The following WDFY3 variants were observed in gnomAD, a reference collection of about 807,000 sequenced individuals.
WDFY3 encodes the protein WD repeat and FYVE domain-containing protein 3.
A neutral mutation model predicts 409.6 loss-of-function variants in WDFY3; 66 were observed. The observed-to-expected ratio is 0.16, with a 90% CI of 0.13 to 0.20. The LOEUF (loss-of-function observed/expected upper bound fraction) is 0.20, where lower values mean the gene tolerates loss of function less well. Ranked by LOEUF, WDFY3 falls within the 10% of genes least tolerant of loss-of-function variation. The pLI is 1.00. For synonymous variants in WDFY3, 1,521 were observed against 1,537.1 expected, an observed-to-expected ratio of 0.99 and a Z score of 0.25; for missense variants, 3,031 against 4,298.1, an observed-to-expected ratio of 0.71 and a Z score of 8.24.
At chr4:84,906,289 T>C (rs901841470) in intron 2 of WDFY3, among the ~76,000 whole-genome samples, 3 of 152,208 alleles carry the variant, frequency 2.0e-5, no homozygotes, top group African/African-American at 7.2e-5. Flanking sequence ...GTGTTTCATT[T>C]CTTAAAGACC....
intron 32 of WDFY3, among the ~76,000 whole-genome samples, chr4:84,757,483 G>A (rs1198149688): frequency 6.6e-6 from 1 of 152,166 alleles, no homozygotes; most frequent in Non-Finnish European, 1.5e-5. Flanking sequence ...AAGAGCTCTA[G>A]TGTTCTTGTA....
intron 25 of WDFY3, among the ~76,000 whole-genome samples, chr4:84,782,610 TC>T (rs1185393880): frequency 6.6e-6 from 1 of 152,170 alleles, no homozygotes; most frequent in African/African-American, 2.4e-5. Context: ...ATTGTTCAGC[TC>T]CCCGCTATGA....
chr4:84,800,453 T>C (rs1195119650), intron 17 of WDFY3, among the ~76,000 whole-genome samples: 2 of 152,198 alleles, frequency 1.3e-5, no homozygotes, highest in Non-Finnish European at 2.9e-5. Flanking sequence ...TAAGTATATA[T>C]TTCTTGAATG....
At chr4:84,905,067 T>C (rs1766855732) in intron 2 of WDFY3, among the ~76,000 whole-genome samples, 2 of 137,262 alleles carry the variant, frequency 1.5e-5, no homozygotes, top group Non-Finnish European at 3.1e-5. Flanking sequence ...GGCTGGTCCC[T>C]ACACACACCT....
chr4:84,809,765 A>G, intron 14 of WDFY3, 122 bp downstream of exon 14: 1 of 948,868 alleles, frequency 1.1e-6, no homozygotes. Flanking sequence ...ATACACTTCA[A>G]ACAAATAGGA....
chr4:84,742,005 G>C (rs1304355026), intron 37 of WDFY3, 84 bp from the exon 38 acceptor site: 11 of 1,315,890 alleles, frequency 8.4e-6, no homozygotes, highest in African/African-American at 1.5e-5. Context: ...ATCAGGCTAA[G>C]GTAAAATAAG....
intron 40 of WDFY3, among the ~76,000 whole-genome samples, chr4:84,738,103 T>A (rs560962351): frequency 6.6e-6 from 1 of 152,128 alleles, no homozygotes; most frequent in South Asian, 2.1e-4. Context: ...CATGTTTAAA[T>A]GAAGGAATGA....
In WDFY3 at chr4:84,786,185, T is replaced by C. The variant is rs768753123; in HGVS notation, c.3902-46A>G. On this transcript the variant is annotated intron_variant, in intron 23 of 67. Transcript: ENST00000295888. Reference sequence around the variant, plus strand: ...TTTTCAAAATCATCAGTAGTTCTCATCTTAAAGTAAGTTTTTTATTCTTAC... The same window carrying C: ...TTTTCAAAATCATCAGTAGTTCTCACCTTAAAGTAAGTTTTTTATTCTTAC... The C allele has an allele frequency of 2.0e-6, 3 of 1,525,610 alleles. No individual in the cohort carries two copies. In the African/African-American group the frequency reaches 4.2e-5, roughly 22 times the overall value. 94.5% of individuals were successfully genotyped at this position (1,525,610 alleles called of 1,614,324 possible).
intron 5 of WDFY3, among the ~76,000 whole-genome samples, chr4:84,843,688 T>G (rs1757694163): frequency 6.6e-6 from 1 of 152,200 alleles, no homozygotes; most frequent in African/African-American, 2.4e-5. Flanking sequence ...TACCTGGGTG[T>G]GAGCTACTGT....
chr4:84,958,682 G>A (rs1163750874), intron 1 of WDFY3, among the ~76,000 whole-genome samples: 1 of 152,138 alleles, frequency 6.6e-6, no homozygotes, highest in African/African-American at 2.4e-5. Context: ...CAAACACACT[G>A]AGCTCAGAAG....
At chr4:84,935,223 T>C (rs777110375) in intron 1 of WDFY3, among the ~76,000 whole-genome samples, 2 of 152,202 alleles carry the variant, frequency 1.3e-5, no homozygotes, top group African/African-American at 4.8e-5. Flanking sequence ...TCCGAGTTTC[T>C]CTTAAGTACA....
At chr4:84,714,857 G>A (rs1449343514) in intron 50 of WDFY3, among the ~76,000 whole-genome samples, 1 of 151,880 alleles carries the variant, frequency 6.6e-6, no homozygotes, top group East Asian at 1.9e-4. Flanking sequence ...GGCTGAGGCA[G>A]GAGAATGGCG....
chr4:84,817,331 C>A, intron 13 of WDFY3, 61 bp downstream of exon 13: 1 of 1,586,144 alleles, frequency 6.3e-7, no homozygotes, highest in Non-Finnish European at 8.6e-7. Flanking sequence ...AAATACAGAT[C>A]ATCTAAAAAT....
chr4:84,926,997 A>G (rs1223735528), intron 2 of WDFY3, among the ~76,000 whole-genome samples: 1 of 152,254 alleles, frequency 6.6e-6, no homozygotes, highest in Non-Finnish European at 1.5e-5. Flanking sequence ...TAGAAATCCT[A>G]TTAAATTATG....
At chr4:84,787,444 T>C in intron 23 of WDFY3, 38 bp downstream of exon 23, 2 of 1,587,900 alleles carry the variant, frequency 1.3e-6, no homozygotes, top group Non-Finnish European at 1.7e-6. Context: ...AGGAGTTAAG[T>C]TTCATACAAC....
In WDFY3 at chr4:84,678,263, C is replaced by T. The variant is rs371544932; in HGVS notation, c.10164G>A (p.Arg3388=). The T allele has an allele frequency of 1.2e-6, 2 of 1,613,870 alleles. No individual in the cohort carries two copies. Among genetic ancestry groups the T allele is most frequent in the Non-Finnish European group, 1.7e-6 (2 of 1,179,890 alleles). The part of the protein sequence containing the change: ...SRLKPGYRWE[R]QLVFRSKLTM... Reference sequence around the variant, plus strand: ...TCAGCTTACTCCTGAACACCAGCTGCCGTTCCCATCGGTACCCTGGAATGG... The same window carrying T: ...TCAGCTTACTCCTGAACACCAGCTGTCGTTCCCATCGGTACCCTGGAATGG... Residue 3388 remains arginine, a synonymous_variant, in exon 66 of 68, where the codon CGG becomes CGA. Coordinates refer to ENST00000295888, the MANE Select transcript of WDFY3 (RefSeq NM_014991.6).
At chr4:84,824,539 G>A (rs1754572150) in intron 10 of WDFY3, among the ~76,000 whole-genome samples, 1 of 152,130 alleles carries the variant, frequency 6.6e-6, no homozygotes, top group Non-Finnish European at 1.5e-5. Context: ...AGTGTATTAA[G>A]TTCTAGAAAG....
intron 30 of WDFY3, among the ~76,000 whole-genome samples, chr4:84,767,113 T>TA (rs1491236649): frequency 2.0e-5 from 3 of 148,354 alleles, no homozygotes. Context: ...AATCAGGCCA[T>TA]TTTTTTTTTT....
At position 84,857,053 on chromosome 4, in the gene WDFY3, C is replaced by A. The variant is rs367552061; in HGVS notation, c.180+3359G>T. 6.6e-5 allele frequency among the ~76,000 whole-genome samples: 10 copies of A among 152,174 alleles called. No individual in the cohort carries two copies. The East Asian group carries it at 1.7e-3, about 26-fold the overall frequency. ...AATAATACATTTTTCAAATTAGTCA[C>A]AATGGTACAGATATAACTTTCTATC... On this transcript the variant is annotated intron_variant, in intron 4 of 67. Transcript: ENST00000295888.
Sources: gnomAD v4.1 joint callset for allele counts (sites outside exome capture counted in the v4.1 genomes callset) on GRCh38, gnomAD v4.1.1 for gene constraint, MANE v1.5 for transcripts, NCBI Gene and HGNC (gene_info 2026-07-23, HGNC 2026-07-21) for gene names.